NAPG: variants seen among roughly 807,000 people sequenced by gnomAD.
NAPG encodes gamma-soluble NSF attachment protein.
In NAPG, 25 loss-of-function variants were observed where a neutral mutation model predicts 48.4. The ratio of observed to expected loss-of-function variants is 0.52; its 90% CI spans 0.38 to 0.72. NAPG has a LOEUF of 0.72. Among genes scored for constraint, NAPG ranks in the 30% least tolerant of loss-of-function variants. The pLI is 0.00. For missense variants in NAPG, 359 were observed against 372.5 expected, an observed-to-expected ratio of 0.96 and a Z score of 0.30; for synonymous variants, 139 against 127.2, an observed-to-expected ratio of 1.09 and a Z score of -0.62.
intron 8 of NAPG, among the ~76,000 whole-genome samples, chr18:10,541,542 G>A (rs1467393677): frequency 6.6e-6 from 1 of 152,172 alleles, no homozygotes; most frequent in African/African-American, 2.4e-5. Context: ...GCTGAACTGT[G>A]AGGTGATACC....
chr18:10,547,790 TTAC>T (rs1400673851), intron 9 of NAPG, among the ~76,000 whole-genome samples: 4 of 152,350 alleles, frequency 2.6e-5, no homozygotes, highest in Non-Finnish European at 5.9e-5. Flanking sequence ...CTTGATCTTA[TTAC>T]TACTTTTATT....
In NAPG at chr18:10,526,058, G is replaced by A. The variant is rs2031799387; in HGVS notation, c.-45G>A. On this transcript the variant is annotated 5_prime_UTR_variant, in exon 1 of 12. Coordinates refer to ENST00000322897, the MANE Select transcript of NAPG (RefSeq NM_003826.3). ...GGGCGGATTCTTGGCGCCGGAGGAA[G>A]AGGCAGGGTCACCCTCTCTCCACGT... 1.3e-6 allele frequency: 2 copies of A among 1,586,378 alleles called. No individual in the cohort carries two copies. Among genetic ancestry groups the A allele is most frequent in the African/African-American group, 1.3e-5 (1 of 74,486 alleles).
intron 1 of NAPG, among the ~76,000 whole-genome samples, chr18:10,528,625 T>A (rs186324857): frequency 6.6e-6 from 1 of 152,276 alleles, no homozygotes; most frequent in Non-Finnish European, 1.5e-5. Flanking sequence ...GTCAGTAAGG[T>A]TGACATGCTT....
intron 8 of NAPG, among the ~76,000 whole-genome samples, chr18:10,545,320 A>T (rs946707785): frequency 1.3e-5 from 2 of 152,212 alleles, no homozygotes; most frequent in African/African-American, 4.8e-5. Flanking sequence ...TCAAAAAAAA[A>T]TAAAAAGACA....
In NAPG at chr18:10,548,364, C is replaced by T. The variant is rs377499689; in HGVS notation, c.651C>T (p.Val217=). 1.2e-6 allele frequency: 2 copies of T among 1,613,488 alleles called. No homozygotes were observed. The highest frequency in any genetic ancestry group is 1.7e-5 in the Admixed American group (1 of 60,012). Residue 217 remains valine, a synonymous_variant, in exon 10 of 12, where the codon GTC becomes GTT. Coordinates refer to ENST00000322897, the MANE Select transcript of NAPG (RefSeq NM_003826.3). This position sits in a 1 kb window ranked among gnomAD's most constrained non-coding sequence, Gnocchi z 4.4. ...RNDYVAAERC[V]RESYSIPGFN... is the part of the protein sequence containing the mutation. ...ACTATGTAGCTGCAGAAAGATGTGT[C>T]CGGGAGAGCTATAGGTAAGACGTTG... is the stretch of plus-strand genomic sequence containing the variant.
chr18:10,531,327 C>T (rs1008472560), intron 2 of NAPG, among the ~76,000 whole-genome samples: 1 of 152,092 alleles, frequency 6.6e-6, no homozygotes, highest in African/African-American at 2.4e-5. Flanking sequence ...AAGCTATATA[C>T]ATATTTTAAT....
intron 8 of NAPG, 33 bp downstream of exon 8, chr18:10,540,432 A>G: frequency 1.3e-6 from 2 of 1,571,022 alleles, no homozygotes; most frequent in Non-Finnish European, 8.7e-7. Flanking sequence ...TGTGTGTTTA[A>G]CTATACTTTG....
intron 1 of NAPG, among the ~76,000 whole-genome samples, chr18:10,530,221 T>A (rs2031902312): frequency 7.6e-6 from 1 of 131,916 alleles, no homozygotes; most frequent in Non-Finnish European, 1.6e-5. Context: ...TTTTTTTGCC[T>A]ACTTCCTCTG....
rs775618160 is a variant in NAPG, at chr18:10,527,187, C to CAAAA, written c.56+1044_56+1047dup. 6.5e-3 allele frequency among the ~76,000 whole-genome samples: 684 copies of CAAAA among 105,494 alleles called. 10 individuals are homozygous for CAAAA. Among genetic ancestry groups the CAAAA allele is most frequent in the African/African-American group, 0.023 (640 of 27,872 alleles). The allele number at this position is 105,494 out of a possible 152,430, so 69.2% of individuals were successfully genotyped here. A position where few individuals can be genotyped will look rare whatever the true frequency, so the allele number is the denominator to read the frequency against. ...TGGGCCACAGAGCGAGACTCCGTCT[C>CAAAA]AAAAAAAAAAAAAAAAAAGAAAAGA... On this transcript the variant is annotated intron_variant, in intron 1 of 11. Coordinates refer to ENST00000322897, the MANE Select transcript of NAPG (RefSeq NM_003826.3).
At position 10,548,864 on chromosome 18, in the gene NAPG, A is replaced by G. The variant is rs1191484382; in HGVS notation, c.666-103A>G. On this transcript the variant is annotated intron_variant, in intron 10 of 11. Transcript: ENST00000322897. The surrounding 1 kb of genome is among the most constrained non-coding windows in gnomAD (Gnocchi z 4.4). The stretch of plus-strand genomic sequence containing the variant: ...AGCATTCCCACACTTTTAAGTACCA[A>G]AATGTCTCCAGACAGTGTCACATGC... The G allele has an allele frequency of 2.1e-6, 3 of 1,423,244 alleles. No homozygotes were observed. Among genetic ancestry groups the G allele is most frequent in the Admixed American group, 2.4e-5 (1 of 41,368 alleles). 88.2% of individuals were successfully genotyped at this position (1,423,244 alleles called of 1,614,324 possible). A position where few individuals can be genotyped will look rare whatever the true frequency, so the allele number is the denominator to read the frequency against.
chr18:10,527,250 T>G (rs1311387250), intron 1 of NAPG, among the ~76,000 whole-genome samples: 1 of 146,744 alleles, frequency 6.8e-6, no homozygotes. Flanking sequence ...GTGCTTCACA[T>G]ACATAATTTC....
rs2032224422 is a variant in NAPG at position 10,544,631 on chromosome 18, C to G, written c.507-1695C>G. ...GAAGGGCCCACCTGATTAAGTCAGG[C>G]CCACACAGACAGTGATTCACTCGAA... On this transcript the variant is annotated intron_variant, in intron 8 of 11. Transcript: ENST00000322897. The surrounding 1 kb of genome is among the most constrained non-coding windows in gnomAD (Gnocchi z 5.1). Among the ~76,000 whole-genome samples the G allele has an allele frequency of 6.6e-6, 1 of 152,170 alleles. No individual in the cohort carries two copies. The highest frequency in any genetic ancestry group is 6.5e-5 in the Admixed American group (1 of 15,278).
At chr18:10,526,704 C>G (rs572303624) in intron 1 of NAPG, 1 of 154,434 alleles carries the variant, frequency 6.5e-6, no homozygotes, top group Non-Finnish European at 1.4e-5. Flanking sequence ...TTTACTGTCC[C>G]TGTGGGCAGG....
chr18:10,544,169 A>G lies in NAPG; in HGVS notation c.507-2157A>G, dbSNP rs1598412214. Among the ~76,000 whole-genome samples the G allele has an allele frequency of 6.6e-6, 1 of 152,246 alleles. No individual in the cohort carries two copies. The highest frequency in any genetic ancestry group is 1.9e-4 in the East Asian group (1 of 5,200). On this transcript the variant is annotated intron_variant, in intron 8 of 11. Transcript: ENST00000322897. This position sits in a 1 kb window ranked among gnomAD's most constrained non-coding sequence, Gnocchi z 5.1. ...AGGGTCACAATTATAAATGATACAGATACATGTAGCTGTAGTCCGCCTTGC... is the reference window on the plus strand; with the variant it reads ...AGGGTCACAATTATAAATGATACAGGTACATGTAGCTGTAGTCCGCCTTGC...
chr18:10,529,991 A>G (rs1190487059), intron 1 of NAPG, among the ~76,000 whole-genome samples: 2 of 152,070 alleles, frequency 1.3e-5, no homozygotes, highest in African/African-American at 4.8e-5. Flanking sequence ...GAATTAGTTT[A>G]AACTAAGTCT....
intron 1 of NAPG, among the ~76,000 whole-genome samples, chr18:10,530,300 A>T (rs115637738): frequency 8.4e-5 from 12 of 143,196 alleles, no homozygotes; most frequent in Non-Finnish European, 1.5e-4. Flanking sequence ...AGGGGATCTG[A>T]TCTCATCTAT....
chr18:10,531,574 G>C (rs1442740950), intron 2 of NAPG, among the ~76,000 whole-genome samples: 2 of 152,152 alleles, frequency 1.3e-5, no homozygotes, highest in Admixed American at 6.5e-5. Context: ...AGTGCTTTTG[G>C]TTAAACAGCA....
In NAPG at chr18:10,546,441, A is replaced by C; in HGVS notation, c.585+37A>C. The C allele has an allele frequency of 7.9e-7, 1 of 1,272,468 alleles. No individual in the cohort carries two copies. Among genetic ancestry groups the C allele is most frequent in the Non-Finnish European group, 1.1e-6 (1 of 913,402 alleles). The allele number at this position is 1,272,468 out of a possible 1,614,324, so 78.8% of individuals were successfully genotyped here. A position where few individuals can be genotyped will look rare whatever the true frequency, so the allele number is the denominator to read the frequency against. ...AAGTGTTTGTTTTTGGTATTACATT[A>C]GATGATTTTTTATACTGGTATGAAT... On this transcript the variant is annotated intron_variant, in intron 9 of 11. Coordinates refer to ENST00000322897, the MANE Select transcript of NAPG (RefSeq NM_003826.3). The surrounding 1 kb of genome is among the most constrained non-coding windows in gnomAD (Gnocchi z 4.0).
At chr18:10,538,845 T>C (rs1302651631) in intron 5 of NAPG, among the ~76,000 whole-genome samples, 3 of 151,934 alleles carry the variant, frequency 2.0e-5, no homozygotes, top group South Asian at 4.1e-4. Context: ...GTTTTTTTTT[T>C]CTTGTAAATT....
Sources: gnomAD v4.1 joint callset for allele counts (sites outside exome capture counted in the v4.1 genomes callset) on GRCh38, gnomAD v4.1.1 for gene constraint, Gnocchi (gnomAD v3.1) non-coding constraint, MANE v1.5 for transcripts, NCBI Gene and HGNC (gene_info 2026-07-23, HGNC 2026-07-21) for gene names.